Variants in RBFOX3 observed in about 807,000 individuals in gnomAD.
RBFOX3 encodes RNA binding protein fox-1 homolog 3.
A neutral mutation model predicts 48.7 loss-of-function variants in RBFOX3; 17 were observed. That is an observed-to-expected ratio of 0.35 (90% CI 0.24 to 0.52). The LOEUF (loss-of-function observed/expected upper bound fraction) is 0.52, where lower values mean the gene tolerates loss of function less well. Among genes scored for constraint, RBFOX3 ranks in the 20% least tolerant of loss-of-function variants. RBFOX3 has a pLI of 0.94. For missense variants in RBFOX3, 382 were observed against 497.5 expected (o/e 0.77, Z 2.21); for synonymous variants, 212 against 209.5 (o/e 1.01, Z -0.10).
intron 2 of RBFOX3, among the ~76,000 whole-genome samples, chr17:79,476,619 A>T (rs1291965262): frequency 1.3e-5 from 2 of 152,158 alleles, no homozygotes; most frequent in Non-Finnish European, 2.9e-5. Context: ...GAAAGAGGGG[A>T]TAAGGCATCT....
intron 1 of RBFOX3, among the ~76,000 whole-genome samples, chr17:79,542,976 A>C (rs2089927532): frequency 6.6e-6 from 1 of 152,102 alleles, no homozygotes; most frequent in South Asian, 2.1e-4. Context: ...ACACACGTCA[A>C]CTGCCCAGCT....
At chr17:79,224,327 T>C (rs1036939682) in intron 4 of RBFOX3, among the ~76,000 whole-genome samples, 1 of 152,192 alleles carries the variant, frequency 6.6e-6, no homozygotes, top group African/African-American at 2.4e-5. Context: ...ACTCTCCTCA[T>C]TGATCTTAGT....
intron 4 of RBFOX3, among the ~76,000 whole-genome samples, chr17:79,155,063 G>A (rs1028066700): frequency 3.3e-5 from 5 of 152,228 alleles, no homozygotes; most frequent in Non-Finnish European, 1.5e-5. Flanking sequence ...GCCGTGAATG[G>A]CGGCCTCCCT....
At chr17:79,167,882 G>C (rs1299429286) in intron 4 of RBFOX3, among the ~76,000 whole-genome samples, 2 of 152,222 alleles carry the variant, frequency 1.3e-5, no homozygotes, top group Non-Finnish European at 2.9e-5. Flanking sequence ...TCCAGGGGAA[G>C]CACAGAACCT....
At chr17:79,460,721 G>C (rs2075264886) in intron 2 of RBFOX3, among the ~76,000 whole-genome samples, 2 of 152,152 alleles carry the variant, frequency 1.3e-5, no homozygotes, top group Admixed American at 6.5e-5. Flanking sequence ...TATCACGAGG[G>C]TGGGTTTGTT....
chr17:79,289,331 G>A (rs1405023337), intron 3 of RBFOX3, among the ~76,000 whole-genome samples: 5 of 152,210 alleles, frequency 3.3e-5, no homozygotes, highest in African/African-American at 1.2e-4. Context: ...ACTCAGGCCT[G>A]TTTCTGCCCC....
Position 79,131,903 on chromosome 17 carries a change from C to T in RBFOX3, c.-33-16155G>A, listed in dbSNP as rs567346115. Among the ~76,000 whole-genome samples the T allele has an allele frequency of 1.4e-4, 22 of 152,252 alleles. No homozygotes were observed. The East Asian group carries it at 3.5e-3, about 24-fold the overall frequency. On this transcript the variant is annotated intron_variant, in intron 4 of 14. Coordinates refer to ENST00000693108, the MANE Select transcript of RBFOX3 (RefSeq NM_001350451.2). ...GTCAGCACAGATCTCAGCTGAAAAGCGCCAGACGAGGGGACAGATTTTCAC... is the reference window on the plus strand; with the variant it reads ...GTCAGCACAGATCTCAGCTGAAAAGTGCCAGACGAGGGGACAGATTTTCAC...
intron 2 of RBFOX3, among the ~76,000 whole-genome samples, chr17:79,459,858 T>C (rs1463547159): frequency 6.6e-6 from 1 of 152,148 alleles, no homozygotes; most frequent in Non-Finnish European, 1.5e-5. Context: ...CTTCAGAAAA[T>C]AGTCCCACAT....
chr17:79,359,651 G>A (rs1208741738), intron 2 of RBFOX3, among the ~76,000 whole-genome samples: 1 of 152,010 alleles, frequency 6.6e-6, no homozygotes, highest in African/African-American at 2.4e-5. Flanking sequence ...ATAGGATGGG[G>A]CTCCAGGGAG....
Position 79,198,474 on chromosome 17 carries a change from G to T in RBFOX3, c.-34+37292C>A, listed in dbSNP as rs912230015. 6.6e-6 allele frequency among the ~76,000 whole-genome samples: 1 copy of T among 152,210 alleles called. No homozygotes were observed. The highest frequency in any genetic ancestry group is 1.5e-5 in the Non-Finnish European group (1 of 68,036). ...AAGTTCACAAATGTCACCTCAGTAT[G>T]CCTCACTCAAGCCTGTGGGACAGAT... On this transcript the variant is annotated intron_variant, in intron 4 of 14. Transcript: ENST00000693108. The surrounding 1 kb of genome is among the most constrained non-coding windows in gnomAD (Gnocchi z 8.2).
rs192416850 is a variant in RBFOX3 at position 79,381,288 on chromosome 17, C to T, written c.-174-73464G>A. Among the ~76,000 whole-genome samples, 27 of 151,956 alleles carry T rather than the reference C, an allele frequency of 1.8e-4. No homozygotes were observed. In the East Asian group the frequency reaches 3.7e-3, roughly 21 times the overall value. On this transcript the variant is annotated intron_variant, in intron 2 of 14. Transcript: ENST00000693108. Reference sequence around the variant, plus strand: ...AAAAAAAAAAAAGTAAAAAGAAACACGTGAGATTCATGTTAATTTTTTTCA... The same window carrying T: ...AAAAAAAAAAAAGTAAAAAGAAACATGTGAGATTCATGTTAATTTTTTTCA...
the RBFOX3 span, among the ~76,000 whole-genome samples, chr17:79,644,743 C>T: frequency 2.6e-5 from 4 of 151,990 alleles, no homozygotes; most frequent in Admixed American, 6.6e-5. Flanking sequence ...CATCTCTGGG[C>T]GAAAGTAAAG....
Position 79,480,511 on chromosome 17 carries a change from A to G in RBFOX3, c.-175+1943T>C, listed in dbSNP as rs1424078914. Among the ~76,000 whole-genome samples the G allele has an allele frequency of 1.3e-5, 2 of 151,984 alleles. No homozygotes were observed. The highest frequency in any genetic ancestry group is 4.8e-5 in the African/African-American group (2 of 41,366). On this transcript the variant is annotated intron_variant, in intron 2 of 14. Coordinates refer to ENST00000693108, the MANE Select transcript of RBFOX3 (RefSeq NM_001350451.2). The surrounding 1 kb of genome is among the most constrained non-coding windows in gnomAD (Gnocchi z 4.8). Reference sequence around the variant, plus strand: ...CCCACCACCCTTAAGACAAAATCCAAAGTCCTCAGTCCCAACCTAAAGGCC... The same window carrying G: ...CCCACCACCCTTAAGACAAAATCCAGAGTCCTCAGTCCCAACCTAAAGGCC...
chr17:79,296,945 C>T (rs1274082530), intron 3 of RBFOX3, among the ~76,000 whole-genome samples: 2 of 141,604 alleles, frequency 1.4e-5, no homozygotes, highest in Non-Finnish European at 3.1e-5. Context: ...CTCCCTCCTC[C>T]TCCTCTTCCT....
chr17:79,373,803 G>A (rs879571746), intron 2 of RBFOX3, among the ~76,000 whole-genome samples: 3 of 152,066 alleles, frequency 2.0e-5, no homozygotes, highest in South Asian at 2.1e-4. Flanking sequence ...CAGGCTGAGC[G>A]CAGGGACCAG....
intron 2 of RBFOX3, among the ~76,000 whole-genome samples, chr17:79,404,974 A>T (rs1020381344): frequency 7.2e-5 from 11 of 152,190 alleles, no homozygotes; most frequent in Admixed American, 6.5e-4. Flanking sequence ...ACTCCAGGAA[A>T]TCAAAGGCCT....
chr17:79,309,615 C>T (rs1441157480), intron 2 of RBFOX3, among the ~76,000 whole-genome samples: 5 of 152,170 alleles, frequency 3.3e-5, no homozygotes, highest in African/African-American at 7.2e-5. Flanking sequence ...CATGGCCTGT[C>T]GCATCATAAT....
At chr17:79,186,365 G>A (rs980365072) in intron 4 of RBFOX3, among the ~76,000 whole-genome samples, 1 of 152,276 alleles carries the variant, frequency 6.6e-6, no homozygotes, top group Admixed American at 6.5e-5. Context: ...CGAACAGCAC[G>A]CACCTCAGTG....
intron 2 of RBFOX3, among the ~76,000 whole-genome samples, chr17:79,432,884 C>T (rs2068716652): frequency 6.6e-6 from 1 of 152,240 alleles, no homozygotes; most frequent in Non-Finnish European, 1.5e-5. Flanking sequence ...CCCTGAAGAT[C>T]GGTGCTTTAC....
Sources: gnomAD v4.1 joint callset for allele counts (sites outside exome capture counted in the v4.1 genomes callset) on GRCh38, gnomAD v4.1.1 for gene constraint, Gnocchi (gnomAD v3.1) non-coding constraint, MANE v1.5 for transcripts, NCBI Gene and HGNC (gene_info 2026-07-23, HGNC 2026-07-21) for gene names.